The following HIP1 variants were observed in gnomAD, a reference collection of about 807,000 sequenced individuals.
The protein encoded by HIP1 is huntingtin-interacting protein 1.
In HIP1, 65 loss-of-function variants were observed where a neutral mutation model predicts 147.6. The ratio of observed to expected loss-of-function variants is 0.44; its 90% CI spans 0.36 to 0.54. HIP1 has a LOEUF of 0.54. Ranked by LOEUF, HIP1 falls within the 20% of genes least tolerant of loss-of-function variation. HIP1 has a pLI of 0.00. For synonymous variants in HIP1, 479 were observed against 504.0 expected (o/e 0.95, Z 0.67); for missense variants, 1,061 against 1,299.6 (o/e 0.82, Z 2.82).
At position 75,544,733 on chromosome 7, in the gene HIP1, T is replaced by TGGTGTG; in HGVS notation, c.2727_2728insCACACC (p.Glu909_Ile910insHisThr). The stretch of plus-strand genomic sequence containing the variant: ...ACAAGCTGGGCTGTGCTAGCAGCAA[T>TGGTGTG]TTCATGAGAACACACCATTAGCTCC... On this transcript the variant is annotated inframe_insertion, in exon 27 of 31. Coordinates refer to ENST00000336926, the MANE Select transcript of HIP1 (RefSeq NM_005338.7). 1 of 1,613,906 alleles carries TGGTGTG rather than the reference T, an allele frequency of 6.2e-7. No homozygotes were observed. Among genetic ancestry groups the TGGTGTG allele is most frequent in the Non-Finnish European group, 8.5e-7 (1 of 1,179,754 alleles).
intron 18 of HIP1, 147 bp from the exon 19 acceptor site, chr7:75,555,698 T>C: frequency 2.3e-6 from 2 of 884,888 alleles, no homozygotes; most frequent in Non-Finnish European, 3.4e-6. Flanking sequence ...AAAGGCGCTT[T>C]AACTGTGTGC....
chr7:75,536,175 CA>C lies in HIP1; in HGVS notation c.*1996del. 4.9e-5 allele frequency: 10 copies of C among 205,564 alleles called. No individual in the cohort carries two copies. Among genetic ancestry groups the C allele is most frequent in the East Asian group, 7.4e-5 (1 of 13,562 alleles). The allele number at this position is 205,564 out of a possible 1,614,324, so 12.7% of individuals were successfully genotyped here. A position where few individuals can be genotyped will look rare whatever the true frequency, so the allele number is the denominator to read the frequency against. Reference sequence around the variant, plus strand: ...GCACCATTCCTTCTGAGCCTTGAATCAAAAAAATACTAAGCAGAAAGCAGCA... The same window carrying C: ...GCACCATTCCTTCTGAGCCTTGAATCAAAAAATACTAAGCAGAAAGCAGCA... On this transcript the variant is annotated 3_prime_UTR_variant, in exon 31 of 31. Transcript: ENST00000336926.
Position 75,592,528 on chromosome 7 carries a change from A to G in HIP1, c.185-14T>C, listed in dbSNP as rs781838905. The stretch of plus-strand genomic sequence containing the variant: ...CCAGTATGCACGGTGAGGGGGGGTT[A>G]TGGAAAACAACGGATGGGCTCTGCC... On this transcript the variant is annotated splice_polypyrimidine_tract_variant and intron_variant, in intron 2 of 30. Coordinates refer to ENST00000336926, the MANE Select transcript of HIP1 (RefSeq NM_005338.7). The G allele has an allele frequency of 6.2e-7, 1 of 1,607,414 alleles. No homozygotes were observed. Among genetic ancestry groups the G allele is most frequent in the South Asian group, 1.1e-5 (1 of 90,776 alleles).
intron 2 of HIP1, among the ~76,000 whole-genome samples, chr7:75,596,148 T>C (rs1436966616): frequency 2.7e-5 from 4 of 148,226 alleles, no homozygotes; most frequent in African/African-American, 1.0e-4. Flanking sequence ...GGAGGATCAC[T>C]TGAGCCTAAA....
chr7:75,680,252 C>G, intron 1 of HIP1, among the ~76,000 whole-genome samples: 1 of 152,186 alleles, frequency 6.6e-6, no homozygotes, highest in Non-Finnish European at 1.5e-5. Context: ...CCATGTTGCC[C>G]AGGCTGGTCT....
At chr7:75,607,514 C>T (rs1797273963) in intron 1 of HIP1, among the ~76,000 whole-genome samples, 2 of 142,648 alleles carry the variant, frequency 1.4e-5, no homozygotes, top group Admixed American at 7.2e-5. Context: ...CAGACATGAG[C>T]CACCATGCCC....
intron 22 of HIP1, among the ~76,000 whole-genome samples, chr7:75,550,844 T>C (rs1554491973): frequency 2.6e-5 from 4 of 152,222 alleles, no homozygotes; most frequent in Non-Finnish European, 5.9e-5. Flanking sequence ...CAACATTCTA[T>C]GTGTGAGATT....
At chr7:75,717,165 G>A (rs577345437) in intron 1 of HIP1, among the ~76,000 whole-genome samples, 35 of 152,178 alleles carry the variant, frequency 2.3e-4, no homozygotes, top group South Asian at 8.3e-4. Flanking sequence ...AGTCTCACTT[G>A]ACCCACGCAT....
intron 1 of HIP1, among the ~76,000 whole-genome samples, chr7:75,641,033 T>A (rs549492898): frequency 6.6e-6 from 1 of 151,134 alleles, no homozygotes; most frequent in African/African-American, 2.4e-5. Context: ...TATCTTGGGC[T>A]TGGTGGTTCA....
chr7:75,694,676 C>CTT lies in HIP1; in HGVS notation c.120+44123_120+44124dup, dbSNP rs11383945. ...CAGGCACCACCACCACACCTGGCTA[C>CTT]TTTTTTTTTTTTTTAAAGAAATGGG... On this transcript the variant is annotated intron_variant, in intron 1 of 30. Transcript: ENST00000336926. Among the ~76,000 whole-genome samples, 309 of 140,392 alleles carry CTT rather than the reference C, an allele frequency of 2.2e-3. 2 individuals are homozygous for CTT. The highest frequency in any genetic ancestry group is 6.4e-3 in the African/African-American group (240 of 37,772). 92.1% of individuals were successfully genotyped at this position (140,392 alleles called of 152,430 possible). A position where few individuals can be genotyped will look rare whatever the true frequency, so the allele number is the denominator to read the frequency against.
intron 1 of HIP1, among the ~76,000 whole-genome samples, chr7:75,639,592 TGCGCCCGC>T (rs1365526921): frequency 2.0e-5 from 3 of 148,624 alleles, no homozygotes; most frequent in African/African-American, 2.5e-5. Context: ...TGTGTGTGTG[TGCGCCCGC>T]GTGTGTGTGC....
chr7:75,549,278 C>A (rs1237626719), intron 22 of HIP1, among the ~76,000 whole-genome samples: 3 of 152,144 alleles, frequency 2.0e-5, no homozygotes, highest in Non-Finnish European at 2.9e-5. Context: ...ACTAAGACCC[C>A]AGTCCCTTAG....
At chr7:75,683,263 C>CCTG (rs1800152829) in intron 1 of HIP1, among the ~76,000 whole-genome samples, 3 of 151,744 alleles carry the variant, frequency 2.0e-5, no homozygotes, top group African/African-American at 7.3e-5. Context: ...TTACAGGTGT[C>CCTG]AGCCACCGTG....
intron 2 of HIP1, among the ~76,000 whole-genome samples, chr7:75,596,420 C>T (rs976146542): frequency 6.6e-6 from 1 of 151,996 alleles, no homozygotes; most frequent in African/African-American, 2.4e-5. Context: ...GAGTTTTGCT[C>T]TTGTTGCCCA....
At chr7:75,714,336 G>A (rs1801251900) in intron 1 of HIP1, among the ~76,000 whole-genome samples, 1 of 151,982 alleles carries the variant, frequency 6.6e-6, no homozygotes, top group Admixed American at 6.6e-5. Flanking sequence ...GCCGCGCCTG[G>A]CCTTTTTAAC....
In HIP1 at chr7:75,699,595, C is replaced by T. The variant is rs1250427864; in HGVS notation, c.120+39206G>A. Among the ~76,000 whole-genome samples the T allele has an allele frequency of 3.9e-5, 6 of 152,270 alleles. No individual in the cohort carries two copies. In the South Asian group the frequency reaches 1.0e-3, roughly 26 times the overall value. On this transcript the variant is annotated intron_variant, in intron 1 of 30. Transcript: ENST00000336926. ...CGGCACGGGCCAAACAAAATGGGCC[C>T]GCAAAAGAATCCAGCCCTCGAGACG... is the stretch of plus-strand genomic sequence containing the variant.
In HIP1 at chr7:75,534,569, G is replaced by A. The variant is rs1183333191; in HGVS notation, c.*3603C>T. On this transcript the variant is annotated 3_prime_UTR_variant, in exon 31 of 31. Coordinates refer to ENST00000336926, the MANE Select transcript of HIP1 (RefSeq NM_005338.7). ...CTGCCTCAGCCTCCCCAGTAGCTGG[G>A]ATTATAGGCGCCTGCCACCATGCCC... The A allele has an allele frequency of 5.7e-6, 1 of 175,988 alleles. No individual in the cohort carries two copies. The highest frequency in any genetic ancestry group is 1.2e-5 in the Non-Finnish European group (1 of 81,802). The allele number at this position is 175,988 out of a possible 1,614,324, so 10.9% of individuals were successfully genotyped here. A position where few individuals can be genotyped will look rare whatever the true frequency, so the allele number is the denominator to read the frequency against.
At chr7:75,701,074 A>C (rs1396228015) in intron 1 of HIP1, among the ~76,000 whole-genome samples, 5 of 152,252 alleles carry the variant, frequency 3.3e-5, no homozygotes, top group Middle Eastern at 3.4e-3. Context: ...TGGGATGAGA[A>C]TATTCACATT....
chr7:75,600,863 C>A (rs959808581), intron 1 of HIP1, among the ~76,000 whole-genome samples: 4 of 152,130 alleles, frequency 2.6e-5, no homozygotes, highest in African/African-American at 9.7e-5. Flanking sequence ...TGGGCTCTAG[C>A]GATTCTCCTG....
Sources: gnomAD v4.1 joint callset for allele counts (sites outside exome capture counted in the v4.1 genomes callset) on GRCh38, gnomAD v4.1.1 for gene constraint, MANE v1.5 for transcripts, NCBI Gene and HGNC (gene_info 2026-07-23, HGNC 2026-07-21) for gene names.